The following NBEA variants were observed in gnomAD, a reference collection of about 807,000 sequenced individuals.
The protein encoded by NBEA is neurobeachin.
In NBEA, 44 loss-of-function variants were observed where a neutral mutation model predicts 343.4. That is an observed-to-expected ratio of 0.13 (90% CI 0.10 to 0.16). The LOEUF is 0.16. NBEA is among the 10% of genes least tolerant of loss of function. NBEA has a pLI of 1.00. For synonymous variants in NBEA, 1,175 were observed against 1,238.7 expected, an observed-to-expected ratio of 0.95 and a Z score of 1.08; for missense variants, 2,555 against 3,631.3, an observed-to-expected ratio of 0.70 and a Z score of 7.62.
At chr13:35,030,379 CTCTT>C (rs537216144) in intron 1 of NBEA, among the ~76,000 whole-genome samples, 1 of 150,936 alleles carries the variant, frequency 6.6e-6, no homozygotes, top group African/African-American at 2.4e-5. Flanking sequence ...AATATCCCCT[CTCTT>C]TCTTTCTTTC....
chr13:35,037,564 CTG>C (rs2062491796), intron 1 of NBEA, among the ~76,000 whole-genome samples: 1 of 152,116 alleles, frequency 6.6e-6, no homozygotes, highest in South Asian at 2.1e-4. Flanking sequence ...TCCAGTGACA[CTG>C]TGATTCTTGC....
chr13:35,117,338 T>A, intron 13 of NBEA, 76 bp from the exon 14 acceptor site: 1 of 596,448 alleles, frequency 1.7e-6, no homozygotes. Flanking sequence ...AATGCCATAG[T>A]ATCCCAAGAT....
intron 18 of NBEA, among the ~76,000 whole-genome samples, chr13:35,152,879 G>T (rs1018915157): frequency 6.6e-6 from 1 of 151,928 alleles, no homozygotes; most frequent in Admixed American, 6.6e-5. Flanking sequence ...GTTTTAGTGG[G>T]GGTTTGGGGT....
chr13:35,340,473 G>A (rs1236877993), intron 36 of NBEA, among the ~76,000 whole-genome samples: 1 of 151,980 alleles, frequency 6.6e-6, no homozygotes, highest in Non-Finnish European at 1.5e-5. Flanking sequence ...AGGTAATGGG[G>A]AATTATTAAT....
intron 30 of NBEA, among the ~76,000 whole-genome samples, chr13:35,187,095 G>A (rs1161837193): frequency 1.3e-5 from 2 of 151,710 alleles, no homozygotes; most frequent in Non-Finnish European, 1.5e-5. Context: ...ATTTACAATT[G>A]GTAAATAAAA....
chr13:35,591,417 A>G (rs1282138787), intron 46 of NBEA, among the ~76,000 whole-genome samples: 6 of 152,118 alleles, frequency 3.9e-5, no homozygotes, highest in Non-Finnish European at 7.4e-5. Context: ...AAGACATGTC[A>G]TATAATTTTT....
At chr13:35,452,051 A>G in intron 39 of NBEA, 41 bp from the exon 40 acceptor site, 1 of 1,471,748 alleles carries the variant, frequency 6.8e-7, no homozygotes, top group Non-Finnish European at 9.4e-7. Context: ...AAGCAGAAAC[A>G]ATCATAATAA....
intron 35 of NBEA, among the ~76,000 whole-genome samples, chr13:35,296,561 C>G (rs2036144973): frequency 6.6e-6 from 1 of 151,916 alleles, no homozygotes; most frequent in Non-Finnish European, 1.5e-5. Flanking sequence ...TTCTGAATCC[C>G]TGAATCCCTG....
intron 31 of NBEA, among the ~76,000 whole-genome samples, chr13:35,201,124 C>G (rs1167770272): frequency 6.6e-6 from 1 of 151,944 alleles, no homozygotes; most frequent in Non-Finnish European, 1.5e-5. Context: ...CATCTAGCCA[C>G]TGTAATTTCT....
chr13:35,386,200 C>A (rs1327845936), intron 38 of NBEA, among the ~76,000 whole-genome samples: 1 of 152,086 alleles, frequency 6.6e-6, no homozygotes, highest in Non-Finnish European at 1.5e-5. Flanking sequence ...TAATGGTACT[C>A]ACAATTAAAT....
intron 41 of NBEA, among the ~76,000 whole-genome samples, chr13:35,500,501 C>G (rs2152979649): frequency 6.6e-6 from 1 of 152,140 alleles, no homozygotes; most frequent in East Asian, 1.9e-4. Flanking sequence ...GTCAAATCAG[C>G]TGGTATATAG....
intron 10 of NBEA, among the ~76,000 whole-genome samples, chr13:35,071,858 T>C (rs111701175): frequency 0.016 from 2,423 of 152,230 alleles, 65 homozygotes; most frequent in African/African-American, 0.05. Context: ...ATGTAAAGTA[T>C]AAATCTAAAT....
chr13:35,248,118 C>T (rs1480635188), intron 34 of NBEA, among the ~76,000 whole-genome samples: 2 of 152,128 alleles, frequency 1.3e-5, no homozygotes, highest in Non-Finnish European at 1.5e-5. Flanking sequence ...AATATAAGGT[C>T]AGCATTGCCC....
At chr13:35,506,314 G>C (rs7320676) in intron 41 of NBEA, among the ~76,000 whole-genome samples, 148,642 of 152,250 alleles carry the variant, frequency 0.98, 72,668 homozygotes, top group East Asian at 1. Context: ...AGTGATCCTC[G>C]TGCCTTGGCC....
intron 1 of NBEA, among the ~76,000 whole-genome samples, chr13:34,968,471 C>T (rs984209439): frequency 6.6e-6 from 1 of 152,152 alleles, no homozygotes; most frequent in African/African-American, 2.4e-5. Flanking sequence ...ACACTCTTAT[C>T]ACCCAGGACA....
chr13:35,069,779 C>A (rs1449444887), intron 8 of NBEA, 129 bp from the exon 9 acceptor site: 1 of 487,902 alleles, frequency 2.0e-6, no homozygotes, highest in African/African-American at 2.0e-5. Flanking sequence ...TAAGTAATAC[C>A]ACTGAATAGT....
At chr13:35,202,186 A>G (rs1269056587) in intron 31 of NBEA, among the ~76,000 whole-genome samples, 1 of 151,864 alleles carries the variant, frequency 6.6e-6, no homozygotes, top group Admixed American at 6.6e-5. Context: ...GATCCTTTTC[A>G]TTTCAGCCCA....
chr13:35,490,018 G>C (rs977321769), intron 41 of NBEA, among the ~76,000 whole-genome samples: 1 of 152,022 alleles, frequency 6.6e-6, no homozygotes, highest in Middle Eastern at 3.4e-3. Context: ...TCAGTGGCCT[G>C]TAACGCTGTA....
intron 53 of NBEA, among the ~76,000 whole-genome samples, chr13:35,652,525 C>T (rs2084585514): frequency 6.7e-6 from 1 of 149,192 alleles, no homozygotes; most frequent in Admixed American, 6.7e-5. Context: ...CCTGTAGTCC[C>T]AGCTACTCGG....
Sources: allele counts gnomAD v4.1 joint callset (sites outside exome capture counted in the v4.1 genomes callset), GRCh38; gene constraint gnomAD v4.1.1; transcripts MANE v1.5; gene names NCBI Gene and HGNC (gene_info 2026-07-23, HGNC 2026-07-21).